The following PLEKHA7 variants were observed in gnomAD, a reference collection of about 807,000 sequenced individuals.
The protein encoded by PLEKHA7 is pleckstrin homology domain-containing family A member 7.
A neutral mutation model predicts 170.0 loss-of-function variants in PLEKHA7; 104 were observed. That is an observed-to-expected ratio of 0.61 (90% CI 0.52 to 0.72). The LOEUF (loss-of-function observed/expected upper bound fraction) is 0.72, where lower values mean the gene tolerates loss of function less well. Among genes scored for constraint, PLEKHA7 ranks in the 30% least tolerant of loss-of-function variants. The pLI is 0.00. For synonymous variants in PLEKHA7, 648 were observed against 660.8 expected (o/e 0.98, Z 0.30); for missense variants, 1,615 against 1,671.7 (o/e 0.97, Z 0.59).
chr11:17,003,268 C>A lies in PLEKHA7; in HGVS notation c.221+10721G>T, dbSNP rs7931825. Among the ~76,000 whole-genome samples the A allele has an allele frequency of 5.4e-3, 819 of 152,122 alleles. 19 individuals are homozygous for A. Among genetic ancestry groups the A allele is most frequent in the East Asian group, 0.017 (86 of 5,160 alleles). On this transcript the variant is annotated intron_variant, in intron 3 of 26. Coordinates refer to ENST00000531066, the MANE Select transcript of PLEKHA7 (RefSeq NM_001329630.2). Reference sequence around the variant, plus strand: ...GGCATCCCAAAGTGCTGGGATTACACATGTGAGCCACCACACCCAGCCCAA... The same window carrying A: ...GGCATCCCAAAGTGCTGGGATTACAAATGTGAGCCACCACACCCAGCCCAA...
At chr11:16,807,134 A>T in intron 13 of PLEKHA7, 6 of 980,660 alleles carry the variant, frequency 6.1e-6, no homozygotes, top group Non-Finnish European at 7.3e-6. Context: ...CACGGATCAG[A>T]TCATCTTACG....
chr11:16,833,789 C>A (rs963499514), intron 9 of PLEKHA7, among the ~76,000 whole-genome samples: 3 of 152,202 alleles, frequency 2.0e-5, no homozygotes, highest in Non-Finnish European at 4.4e-5. Flanking sequence ...CCATCACTGA[C>A]TGAGCACTTA....
chr11:16,848,953 C>T (rs887911847), intron 8 of PLEKHA7, among the ~76,000 whole-genome samples: 15 of 152,180 alleles, frequency 9.9e-5, no homozygotes, highest in African/African-American at 3.6e-4. Context: ...GAGCTGCCCC[C>T]AGAGCCTACC....
At chr11:16,851,070 C>A (rs1852902056) in intron 8 of PLEKHA7, 121 bp downstream of exon 8, 1 of 631,712 alleles carries the variant, frequency 1.6e-6, no homozygotes, top group East Asian at 3.1e-5. Flanking sequence ...ACTTTGTTAA[C>A]CGGAATCTGA....
At chr11:16,987,631 T>C (rs1021893094) in intron 3 of PLEKHA7, among the ~76,000 whole-genome samples, 1 of 152,158 alleles carries the variant, frequency 6.6e-6, no homozygotes, top group Non-Finnish European at 1.5e-5. Context: ...CAGGAACTCC[T>C]TACCCCACCC....
intron 4 of PLEKHA7, among the ~76,000 whole-genome samples, chr11:16,869,164 T>A (rs1157260735): frequency 6.6e-6 from 1 of 152,220 alleles, no homozygotes; most frequent in East Asian, 1.9e-4. Flanking sequence ...CAGTTCTTTA[T>A]CAATCTAGGA....
chr11:16,992,094 T>A (rs151061438), intron 3 of PLEKHA7, among the ~76,000 whole-genome samples: 9 of 152,038 alleles, frequency 5.9e-5, no homozygotes, highest in African/African-American at 2.2e-4. Flanking sequence ...AGCCTGGGCA[T>A]GCAGGTCTGG....
intron 3 of PLEKHA7, among the ~76,000 whole-genome samples, chr11:16,930,498 G>C (rs901168540): frequency 3.9e-5 from 6 of 152,072 alleles, no homozygotes; most frequent in African/African-American, 1.4e-4. Context: ...ACCAGGACAG[G>C]ATCTAAAGAT....
intron 9 of PLEKHA7, among the ~76,000 whole-genome samples, chr11:16,830,135 T>C (rs4757435): frequency 0.33 from 50,020 of 150,846 alleles, 9,096 homozygotes; most frequent in East Asian, 0.59. Flanking sequence ...CCTGCCACCA[T>C]GTCTGGCTAA....
rs111668205 is a variant in PLEKHA7 at position 17,002,675 on chromosome 11, T to C, written c.221+11314A>G. Among the ~76,000 whole-genome samples the C allele has an allele frequency of 2.0e-3, 300 of 152,298 alleles. 1 individual carries two copies. The highest frequency in any genetic ancestry group is 6.9e-3 in the African/African-American group (288 of 41,556). The stretch of plus-strand genomic sequence containing the variant: ...CTAGAAAGCACCACGAAGATTATTA[T>C]TGTTGACACCTGTGACGTGAGACGT... On this transcript the variant is annotated intron_variant, in intron 3 of 26. Transcript: ENST00000531066.
At chr11:16,809,181 G>A (rs770040766) in intron 13 of PLEKHA7, among the ~76,000 whole-genome samples, 9 of 152,176 alleles carry the variant, frequency 5.9e-5, no homozygotes, top group Non-Finnish European at 1.2e-4. Context: ...TGGGTCCCAA[G>A]AGCAGAGTGT....
intron 3 of PLEKHA7, among the ~76,000 whole-genome samples, chr11:16,971,799 TA>T (rs1862730566): frequency 1.3e-5 from 2 of 152,148 alleles, no homozygotes; most frequent in Admixed American, 1.3e-4. Context: ...CAGATGTCAT[TA>T]AGGACTCTTA....
chr11:16,886,754 C>A (rs1284805964), intron 3 of PLEKHA7, among the ~76,000 whole-genome samples: 1 of 149,610 alleles, frequency 6.7e-6, no homozygotes, highest in Non-Finnish European at 1.5e-5. Context: ...CATGGTCAGA[C>A]CAGAATGATA....
intron 3 of PLEKHA7, among the ~76,000 whole-genome samples, chr11:16,913,951 A>G (rs1858448170): frequency 6.6e-6 from 1 of 152,264 alleles, no homozygotes; most frequent in Non-Finnish European, 1.5e-5. Flanking sequence ...CGTTCTTTAA[A>G]AAGTGAAATA....
At chr11:16,957,713 T>C (rs1222878321) in intron 3 of PLEKHA7, among the ~76,000 whole-genome samples, 1 of 142,966 alleles carries the variant, frequency 7.0e-6, no homozygotes, top group Non-Finnish European at 1.5e-5. Flanking sequence ...TTTTTTTTTT[T>C]TTTTTTTTGA....
chr11:16,889,420 A>AAAAAAAAAAAAAAAATATAT (rs61086849), intron 3 of PLEKHA7, among the ~76,000 whole-genome samples: 1 of 74,686 alleles, frequency 1.3e-5, no homozygotes, highest in Non-Finnish European at 2.4e-5. Context: ...AAAAAAAAAA[A>AAAAAAAAAAAAAAAATATAT]ATATATATAT....
intron 3 of PLEKHA7, among the ~76,000 whole-genome samples, chr11:16,875,307 T>C (rs926039894): frequency 6.6e-6 from 1 of 151,984 alleles, no homozygotes; most frequent in African/African-American, 2.4e-5. Flanking sequence ...ATGTTAAACA[T>C]AAGGAAACTG....
chr11:17,003,534 C>T (rs1206714420), intron 3 of PLEKHA7, among the ~76,000 whole-genome samples: 2 of 152,218 alleles, frequency 1.3e-5, no homozygotes, highest in Non-Finnish European at 2.9e-5. Context: ...TTGCTAAACC[C>T]TTTCCATCCA....
intron 25 of PLEKHA7, 139 bp downstream of exon 25, chr11:16,783,561 C>T (rs1372859467): frequency 2.2e-6 from 2 of 929,852 alleles, no homozygotes; most frequent in Non-Finnish European, 2.9e-6. Flanking sequence ...CCAGCCTGCC[C>T]CCTCCAATGA....
Sources: gnomAD v4.1 joint callset for allele counts (sites outside exome capture counted in the v4.1 genomes callset) on GRCh38, gnomAD v4.1.1 for gene constraint, MANE v1.5 for transcripts, NCBI Gene and HGNC (gene_info 2026-07-23, HGNC 2026-07-21) for gene names.